Variants in ERP44 observed in about 807,000 individuals in gnomAD.
ERP44 encodes endoplasmic reticulum protein 44.
A neutral mutation model predicts 53.4 loss-of-function variants in ERP44; 25 were observed. The observed-to-expected ratio is 0.47, with a 90% CI of 0.34 to 0.65. The LOEUF (loss-of-function observed/expected upper bound fraction) is 0.65, where lower values mean the gene tolerates loss of function less well. Ranked by LOEUF, ERP44 falls within the 30% of genes least tolerant of loss-of-function variation. The pLI, the probability that ERP44 is intolerant of heterozygous loss-of-function variation, is 0.01. For missense variants in ERP44, 338 were observed against 493.2 expected, an observed-to-expected ratio of 0.69 and a Z score of 2.98; for synonymous variants, 145 against 161.2, an observed-to-expected ratio of 0.90 and a Z score of 0.76.
chr9:100,003,554 G>A (rs992921221), intron 10 of ERP44, among the ~76,000 whole-genome samples: 2 of 152,140 alleles, frequency 1.3e-5, no homozygotes, highest in East Asian at 3.9e-4. Flanking sequence ...CTGGCCTGGT[G>A]CCTGGGTCAG....
Position 99,981,463 on chromosome 9 carries a change from T to G in ERP44, c.*1149A>C, listed in dbSNP as rs529042847. 7 of 152,632 alleles carry G rather than the reference T, an allele frequency of 4.6e-5. No individual in the cohort carries two copies. Among genetic ancestry groups the G allele is most frequent in the African/African-American group, 1.7e-4 (7 of 41,440 alleles). 9.5% of individuals were successfully genotyped at this position (152,632 alleles called of 1,614,324 possible). A position where few individuals can be genotyped will look rare whatever the true frequency, so the allele number is the denominator to read the frequency against. On this transcript the variant is annotated 3_prime_UTR_variant, in exon 12 of 12. Coordinates refer to ENST00000262455, the MANE Select transcript of ERP44 (RefSeq NM_015051.3). ...TTTATACCCAAGTATAAAATGACCC[T>G]TGGCCTATAGCACCAACCCAGGCCC...
chr9:100,007,383 C>T (rs1047934667), intron 9 of ERP44, among the ~76,000 whole-genome samples, 195 bp downstream of exon 9: 1 of 152,054 alleles, frequency 6.6e-6, no homozygotes, highest in African/African-American at 2.4e-5. Flanking sequence ...GGTTAGAAAA[C>T]AAACAAACAA....
intron 8 of ERP44, among the ~76,000 whole-genome samples, chr9:100,008,770 CATT>C (rs915345485): frequency 2.6e-5 from 4 of 152,014 alleles, no homozygotes; most frequent in African/African-American, 9.7e-5. Flanking sequence ...TAAATTTCAC[CATT>C]GTTTTTTTGG....
intron 8 of ERP44, among the ~76,000 whole-genome samples, chr9:100,011,043 T>C (rs1222800022): frequency 6.6e-6 from 1 of 152,042 alleles, no homozygotes; most frequent in Admixed American, 6.6e-5. Flanking sequence ...AATTCAAATA[T>C]AAAGAAATAT....
intron 3 of ERP44, among the ~76,000 whole-genome samples, chr9:100,057,499 T>C (rs907836793): frequency 6.6e-6 from 1 of 152,244 alleles, no homozygotes; most frequent in African/African-American, 2.4e-5. Flanking sequence ...TCATGACTTA[T>C]AAACACTACC....
At chr9:100,034,533 T>C (rs532775123) in intron 4 of ERP44, among the ~76,000 whole-genome samples, 1 of 152,190 alleles carries the variant, frequency 6.6e-6, no homozygotes, top group African/African-American at 2.4e-5. Flanking sequence ...TTTTATTCCC[T>C]TGCTTTCCTA....
chr9:100,007,557 T>C, intron 9 of ERP44, 21 bp downstream of exon 9: 1 of 1,142,784 alleles, frequency 8.8e-7, no homozygotes, highest in Non-Finnish European at 1.3e-6. Flanking sequence ...ATGATGAAAA[T>C]AAACACCTTA....
chr9:100,029,719 C>A (rs555462543), intron 4 of ERP44, among the ~76,000 whole-genome samples: 6 of 152,192 alleles, frequency 3.9e-5, no homozygotes, highest in Non-Finnish European at 7.3e-5. Context: ...ATCTGCACCA[C>A]CGTGTTTACT....
chr9:100,000,810 T>C (rs1357221901), intron 10 of ERP44, among the ~76,000 whole-genome samples: 2 of 152,092 alleles, frequency 1.3e-5, no homozygotes, highest in Non-Finnish European at 2.9e-5. Context: ...CCAGCTATAG[T>C]TTTGTTGCTC....
chr9:100,044,228 T>C (rs1207588818), intron 4 of ERP44, among the ~76,000 whole-genome samples: 3 of 152,204 alleles, frequency 2.0e-5, no homozygotes, highest in Non-Finnish European at 2.9e-5. Flanking sequence ...TCTATCCATC[T>C]GTTCAACAAT....
At chr9:100,060,196 T>G (rs756731912) in intron 1 of ERP44, 24 bp from the exon 2 acceptor site, 1 of 1,463,862 alleles carries the variant, frequency 6.8e-7, no homozygotes, top group Admixed American at 2.8e-5. Context: ...AAATGAGAAA[T>G]TAATAAATGT....
intron 6 of ERP44, among the ~76,000 whole-genome samples, chr9:100,020,038 C>T (rs1367964238): frequency 6.6e-6 from 1 of 152,058 alleles, no homozygotes; most frequent in Admixed American, 6.5e-5. Flanking sequence ...AAGAAAGAAG[C>T]GTGTTTTCAG....
At chr9:99,994,598 ATAAG>A (rs1830290713) in intron 10 of ERP44, among the ~76,000 whole-genome samples, 1 of 152,186 alleles carries the variant, frequency 6.6e-6, no homozygotes, top group African/African-American at 2.4e-5. Flanking sequence ...ATACATATAC[ATAAG>A]TAACAAACCT....
At chr9:100,084,485 A>T (rs1051056302) in intron 1 of ERP44, among the ~76,000 whole-genome samples, 2 of 152,202 alleles carry the variant, frequency 1.3e-5, no homozygotes, top group Non-Finnish European at 2.9e-5. Flanking sequence ...AATTACCTAA[A>T]ATATCTGACT....
At chr9:99,994,846 T>G (rs1201772905) in intron 10 of ERP44, among the ~76,000 whole-genome samples, 1 of 152,234 alleles carries the variant, frequency 6.6e-6, no homozygotes, top group Non-Finnish European at 1.5e-5. Flanking sequence ...TATTCTGGTT[T>G]AACCTTTCCA....
At chr9:100,010,828 G>C (rs535427894) in intron 8 of ERP44, among the ~76,000 whole-genome samples, 3 of 151,698 alleles carry the variant, frequency 2.0e-5, no homozygotes, top group Admixed American at 6.6e-5. Flanking sequence ...TTGAACCTGG[G>C]GGGCAGAGGT....
At chr9:100,053,763 A>C (rs948911554) in intron 3 of ERP44, among the ~76,000 whole-genome samples, 2 of 152,248 alleles carry the variant, frequency 1.3e-5, no homozygotes, top group Admixed American at 6.5e-5. Flanking sequence ...GGGAAGAATC[A>C]GAATTAGCAA....
intron 1 of ERP44, among the ~76,000 whole-genome samples, chr9:100,087,711 G>A (rs1029388848): frequency 7.9e-5 from 12 of 152,152 alleles, no homozygotes; most frequent in Admixed American, 5.2e-4. Context: ...ATACATCTAA[G>A]CATGTGGTAT....
chr9:100,079,695 C>T (rs1826400321), intron 1 of ERP44, among the ~76,000 whole-genome samples: 1 of 152,070 alleles, frequency 6.6e-6, no homozygotes, highest in Non-Finnish European at 1.5e-5. Context: ...ATAATCCCAG[C>T]ACTGCAGAGG....
Sources: allele counts gnomAD v4.1 joint callset (sites outside exome capture counted in the v4.1 genomes callset), GRCh38; gene constraint gnomAD v4.1.1; transcripts MANE v1.5; gene names NCBI Gene and HGNC (gene_info 2026-07-23, HGNC 2026-07-21).